Variants in OPCML observed in about 807,000 individuals in gnomAD.
OPCML encodes the protein opioid-binding protein/cell adhesion molecule.
OPCML carries 13 observed loss-of-function variants against 37.8 expected under a neutral mutation model. The observed-to-expected ratio is 0.34, with a 90% confidence interval of 0.22 to 0.55. The LOEUF is 0.55. Ranked by LOEUF, OPCML falls within the 20% of genes least tolerant of loss-of-function variation. The pLI is 0.91. For missense variants in OPCML, 341 were observed against 435.6 expected (o/e 0.78, Z 1.93); for synonymous variants, 176 against 168.8 (o/e 1.04, Z -0.33).
intron 2 of OPCML, among the ~76,000 whole-genome samples, chr11:132,723,980 AC>A (rs1944776114): frequency 6.6e-6 from 1 of 152,176 alleles, no homozygotes; most frequent in Middle Eastern, 3.2e-3. Context: ...AAAGCCTAAG[AC>A]AGCCAGACAC....
intron 1 of OPCML, among the ~76,000 whole-genome samples, chr11:133,407,098 T>A (rs1412039231): frequency 6.6e-6 from 1 of 152,190 alleles, no homozygotes; most frequent in African/African-American, 2.4e-5. Flanking sequence ...CCCCTCTAGG[T>A]CTGAGGTTAA....
chr11:132,881,366 C>A (rs902081823), intron 2 of OPCML, among the ~76,000 whole-genome samples: 1 of 152,160 alleles, frequency 6.6e-6, no homozygotes, highest in Non-Finnish European at 1.5e-5. Flanking sequence ...TCCAGGATTG[C>A]AGGCCCCCCA....
chr11:132,744,478 G>T (rs531889975), intron 2 of OPCML, among the ~76,000 whole-genome samples: 1 of 152,244 alleles, frequency 6.6e-6, no homozygotes, highest in South Asian at 2.1e-4. Context: ...TTCAAACTTT[G>T]TCTCCACCTC....
At chr11:132,452,810 A>G (rs1196346311) in intron 4 of OPCML, among the ~76,000 whole-genome samples, 1 of 152,162 alleles carries the variant, frequency 6.6e-6, no homozygotes, top group African/African-American at 2.4e-5. Context: ...TATGACTCAG[A>G]TTGAATTTCT....
Position 133,421,899 on chromosome 11 carries a change from G to A in OPCML, c.61+110365C>T, listed in dbSNP as rs1047281674. 5 of 488,752 alleles carry A rather than the reference G, an allele frequency of 1.0e-5. No individual in the cohort carries two copies. The African/African-American group carries it at 1.1e-4, about 10-fold the overall frequency. 30.3% of individuals were successfully genotyped at this position (488,752 alleles called of 1,614,324 possible). ...GAAACAGTGAGAAACAATAATTATT[G>A]TCAGTTTAAGCCTCCAATCTTGGGA... On this transcript the variant is annotated intron_variant, in intron 1 of 7. Transcript: ENST00000524381.
intron 1 of OPCML, among the ~76,000 whole-genome samples, chr11:133,408,539 G>C (rs1046384500): frequency 2.1e-4 from 32 of 152,152 alleles, no homozygotes; most frequent in African/African-American, 7.0e-4. Context: ...AGTTATTCTA[G>C]TTCAGGGTCA....
At chr11:132,700,350 T>G (rs1943758136) in intron 2 of OPCML, among the ~76,000 whole-genome samples, 7 of 151,962 alleles carry the variant, frequency 4.6e-5, no homozygotes, top group Admixed American at 4.6e-4. Flanking sequence ...TTTGATCTTT[T>G]TTTCTAGTAC....
intron 1 of OPCML, among the ~76,000 whole-genome samples, chr11:133,224,751 A>C (rs967226701): frequency 1.7e-4 from 26 of 152,266 alleles, no homozygotes; most frequent in African/African-American, 6.0e-4. Context: ...GGCTTCATAA[A>C]ATGTAAACAG....
At chr11:133,300,265 G>C (rs1256426522) in intron 1 of OPCML, 1 of 152,186 alleles carries the variant, frequency 6.6e-6, no homozygotes, top group African/African-American at 2.4e-5. Context: ...AGAAGAGCTT[G>C]GAATGAGGAA....
In OPCML at chr11:133,489,250, T is replaced by C. The variant is rs577739567; in HGVS notation, c.61+43014A>G. 4.0e-5 allele frequency among the ~76,000 whole-genome samples: 6 copies of C among 151,794 alleles called. No individual in the cohort carries two copies. The South Asian group carries it at 1.3e-3, about 32-fold the overall frequency. On this transcript the variant is annotated intron_variant, in intron 1 of 7. Transcript: ENST00000524381. ...ATGGGACTTAATTAAACTAAAAGCT[T>C]CTGCACAGCAAAAGAAACAATCAAC...
intron 1 of OPCML, among the ~76,000 whole-genome samples, chr11:133,261,003 G>A (rs949526699): frequency 3.9e-5 from 6 of 152,258 alleles, no homozygotes; most frequent in Non-Finnish European, 7.4e-5. Context: ...CAGGTGACCT[G>A]GCTACCAGCT....
rs548610171 is a variant in OPCML at position 133,483,928 on chromosome 11, AAGAT to A, written c.61+48332_61+48335del. 7.6e-3 allele frequency among the ~76,000 whole-genome samples: 1,147 copies of A among 151,450 alleles called. 12 individuals are homozygous for A. The highest frequency in any genetic ancestry group is 0.01 in the Non-Finnish European group (682 of 67,778). On this transcript the variant is annotated intron_variant, in intron 1 of 7. Transcript: ENST00000524381. ...AGATGATGGATAGATTCATAGATGA[AAGAT>A]AGATAGATTAGACAGATAGATAGAC...
At chr11:132,483,270 C>A (rs1176818984) in intron 4 of OPCML, among the ~76,000 whole-genome samples, 1 of 150,254 alleles carries the variant, frequency 6.7e-6, no homozygotes, top group African/African-American at 2.5e-5. Context: ...TTCCTATACA[C>A]CAACAACAGA....
chr11:132,907,099 T>C (rs73043133), intron 2 of OPCML, among the ~76,000 whole-genome samples: 11 of 152,298 alleles, frequency 7.2e-5, no homozygotes, highest in Non-Finnish European at 1.6e-4. Context: ...CCCTCTAACA[T>C]ATCGTAAGAA....
intron 1 of OPCML, among the ~76,000 whole-genome samples, chr11:133,268,351 G>C (rs548337619): frequency 1.4e-3 from 211 of 152,316 alleles, no homozygotes; most frequent in African/African-American, 4.5e-3. Flanking sequence ...TTCTTATTCT[G>C]TTCCTAACTG....
chr11:132,941,427 TCCCTGAACACTGGTAA>T (rs2136669572), intron 2 of OPCML, among the ~76,000 whole-genome samples: 1 of 152,316 alleles, frequency 6.6e-6, no homozygotes, highest in South Asian at 2.1e-4. Context: ...AGCATCAACA[TCCCTGAACACTGGTAA>T]TATTTACTGA....
chr11:133,075,858 C>A (rs1341930748), intron 1 of OPCML, among the ~76,000 whole-genome samples: 1 of 152,168 alleles, frequency 6.6e-6, no homozygotes. Context: ...AAGAAGGAAT[C>A]TGCAGCAATC....
intron 1 of OPCML, chr11:133,423,440 C>A: frequency 1.0e-6 from 1 of 985,390 alleles, no homozygotes; most frequent in South Asian, 4.7e-5. Context: ...AATGCATCTG[C>A]AGGCAAATCA....
rs550221227 is a variant in OPCML at position 133,359,814 on chromosome 11, C to T, written c.61+172450G>A. 8.5e-5 allele frequency among the ~76,000 whole-genome samples: 13 copies of T among 152,256 alleles called. No homozygotes were observed. In the South Asian group the frequency reaches 2.7e-3, roughly 32 times the overall value. ...CTCGGTATTTAGCGTATTAGTTGCTCAATTATTCGCCAATATAAATGAAAA... is the reference window on the plus strand; with the variant it reads ...CTCGGTATTTAGCGTATTAGTTGCTTAATTATTCGCCAATATAAATGAAAA... On this transcript the variant is annotated intron_variant, in intron 1 of 7. Coordinates refer to ENST00000524381, the MANE Select transcript of OPCML (RefSeq NM_001012393.5).
Sources: allele counts gnomAD v4.1 joint callset (sites outside exome capture counted in the v4.1 genomes callset), GRCh38; gene constraint gnomAD v4.1.1; transcripts MANE v1.5; gene names NCBI Gene and HGNC (gene_info 2026-07-23, HGNC 2026-07-21).